LRBA: variants seen among roughly 807,000 people sequenced by gnomAD.
LRBA encodes the protein lipopolysaccharide-responsive and beige-like anchor protein.
A neutral mutation model predicts 330.0 loss-of-function variants in LRBA; 176 were observed. That is an observed-to-expected ratio of 0.53 (90% confidence interval 0.47 to 0.60). The LOEUF is 0.60. Ranked by LOEUF, LRBA falls within the 20% of genes least tolerant of loss-of-function variation. The pLI, the probability that LRBA is intolerant of heterozygous loss-of-function variation, is 0.00. For synonymous variants in LRBA, 1,230 were observed against 1,193.0 expected (o/e 1.03, Z -0.64); for missense variants, 3,259 against 3,444.8 (o/e 0.95, Z 1.35).
chr4:150,758,637 G>T (rs1487131212), intron 35 of LRBA, among the ~76,000 whole-genome samples: 1 of 147,978 alleles, frequency 6.8e-6, no homozygotes, highest in Non-Finnish European at 1.5e-5. Flanking sequence ...GAAGAGGTGT[G>T]AGCATAGCTC....
chr4:150,686,811 TTCTA>T (rs777402930), intron 36 of LRBA, among the ~76,000 whole-genome samples: 8 of 152,264 alleles, frequency 5.3e-5, no homozygotes, highest in African/African-American at 1.4e-4. Context: ...AGCTTGTCAT[TTCTA>T]TCTCTTATTA....
At chr4:150,844,854 T>C in intron 26 of LRBA, 75 bp from the exon 27 acceptor site, 1 of 1,139,868 alleles carries the variant, frequency 8.8e-7, no homozygotes. Context: ...AAACATCAAC[T>C]ACACAATATG....
intron 37 of LRBA, among the ~76,000 whole-genome samples, chr4:150,660,374 G>T (rs1420143813): frequency 8.5e-6 from 1 of 117,656 alleles, no homozygotes; most frequent in African/African-American, 3.0e-5. Flanking sequence ...CCCCTGCCCG[G>T]CCAGTGGCCC....
At chr4:150,840,320 T>C (rs1327986566) in intron 28 of LRBA, among the ~76,000 whole-genome samples, 1 of 152,246 alleles carries the variant, frequency 6.6e-6, no homozygotes, top group East Asian at 1.9e-4. Context: ...AAGCCCAGCT[T>C]TTGGCCTGTA....
intron 44 of LRBA, among the ~76,000 whole-genome samples, chr4:150,438,257 A>G (rs1751381506): frequency 6.6e-6 from 1 of 152,112 alleles, no homozygotes; most frequent in Non-Finnish European, 1.5e-5. Flanking sequence ...TCGAGGTGGG[A>G]GATTGTTTGA....
chr4:150,927,245 C>T (rs1318733843), intron 4 of LRBA, among the ~76,000 whole-genome samples: 3 of 151,592 alleles, frequency 2.0e-5, no homozygotes, highest in Non-Finnish European at 4.4e-5. Context: ...TGGTGGCATA[C>T]GCCTGTAGTC....
At chr4:150,821,084 C>A (rs1297163268) in intron 30 of LRBA, among the ~76,000 whole-genome samples, 1 of 152,038 alleles carries the variant, frequency 6.6e-6, no homozygotes, top group East Asian at 1.9e-4. Context: ...GCTTAAGTTT[C>A]TATTTAAGAA....
chr4:150,540,885 C>CTGTTTA (rs1172025061), intron 40 of LRBA, among the ~76,000 whole-genome samples: 1 of 152,132 alleles, frequency 6.6e-6, no homozygotes, highest in Non-Finnish European at 1.5e-5. Flanking sequence ...CATATAGATG[C>CTGTTTA]ACCATTAAAC....
At chr4:150,552,833 G>C (rs1021276631) in intron 40 of LRBA, among the ~76,000 whole-genome samples, 1 of 152,062 alleles carries the variant, frequency 6.6e-6, no homozygotes, top group Non-Finnish European at 1.5e-5. Context: ...ACTTTGGGAG[G>C]CTGAGGCGGG....
At chr4:150,958,214 A>T (rs1045808329) in intron 2 of LRBA, among the ~76,000 whole-genome samples, 1 of 148,772 alleles carries the variant, frequency 6.7e-6, no homozygotes, top group African/African-American at 2.6e-5. Context: ...AGGTATTTTC[A>T]TACATCCTCT....
At chr4:150,333,815 T>C (rs1289901047) in intron 48 of LRBA, among the ~76,000 whole-genome samples, 2 of 152,178 alleles carry the variant, frequency 1.3e-5, no homozygotes, top group Non-Finnish European at 2.9e-5. Context: ...AATCATGATA[T>C]GGTTACGTTT....
chr4:150,745,339 G>C (rs180716588), intron 35 of LRBA, among the ~76,000 whole-genome samples: 109 of 152,048 alleles, frequency 7.2e-4, no homozygotes, highest in Admixed American at 2.4e-3. Context: ...GAATATGTTT[G>C]CTATCATATC....
At chr4:150,703,021 C>T (rs182923001) in intron 36 of LRBA, among the ~76,000 whole-genome samples, 137 of 152,202 alleles carry the variant, frequency 9.0e-4, no homozygotes, top group African/African-American at 3.1e-3. Flanking sequence ...ATTAGCCAGG[C>T]GTCATAGTGG....
At chr4:150,972,622 C>T (rs752305173) in intron 2 of LRBA, among the ~76,000 whole-genome samples, 6 of 152,176 alleles carry the variant, frequency 3.9e-5, no homozygotes, top group Non-Finnish European at 8.8e-5. Flanking sequence ...ACGTATTTCA[C>T]ATTTCCTCTA....
At chr4:150,752,617 T>C (rs1481440787) in intron 35 of LRBA, among the ~76,000 whole-genome samples, 1 of 152,162 alleles carries the variant, frequency 6.6e-6, no homozygotes, top group Non-Finnish European at 1.5e-5. Flanking sequence ...GGTATCCATA[T>C]GCTTTATTAG....
intron 36 of LRBA, among the ~76,000 whole-genome samples, chr4:150,724,101 C>T (rs906114580): frequency 3.3e-5 from 5 of 152,180 alleles, no homozygotes; most frequent in Admixed American, 3.3e-4. Flanking sequence ...CCAGACAGCA[C>T]TTTGGACATT....
intron 44 of LRBA, among the ~76,000 whole-genome samples, chr4:150,451,917 T>C (rs1474687791): frequency 6.6e-6 from 1 of 152,102 alleles, no homozygotes; most frequent in Non-Finnish European, 1.5e-5. Flanking sequence ...TTAAGGAAAC[T>C]GAATTCAAAG....
At chr4:150,441,673 A>T (rs977136077) in intron 44 of LRBA, among the ~76,000 whole-genome samples, 2 of 152,124 alleles carry the variant, frequency 1.3e-5, no homozygotes, top group Non-Finnish European at 2.9e-5. Flanking sequence ...TAATCTAGAT[A>T]TTCCTATTTT....
chr4:150,945,415 G>A (rs1357288154), intron 2 of LRBA, among the ~76,000 whole-genome samples: 3 of 152,162 alleles, frequency 2.0e-5, no homozygotes, highest in South Asian at 2.1e-4. Flanking sequence ...GGCATGCCAC[G>A]ATGTTCAAGA....
Sources: allele counts gnomAD v4.1 joint callset (sites outside exome capture counted in the v4.1 genomes callset), GRCh38; gene constraint gnomAD v4.1.1; transcripts MANE v1.5; gene names NCBI Gene and HGNC (gene_info 2026-07-23, HGNC 2026-07-21).